The following NUMB variants were observed in gnomAD, a reference collection of about 807,000 sequenced individuals.
The protein encoded by NUMB is protein numb homolog.
NUMB carries 29 observed loss-of-function variants against 59.7 expected under a neutral mutation model. The observed-to-expected ratio is 0.49, with a 90% CI of 0.36 to 0.66. The LOEUF is 0.66. Ranked by LOEUF, NUMB falls within the 30% of genes least tolerant of loss-of-function variation. NUMB has a pLI of 0.00. For synonymous variants in NUMB, 288 were observed against 288.2 expected (o/e 1.00, Z 0.01); for missense variants, 723 against 822.0 (o/e 0.88, Z 1.47).
At chr14:73,327,811 T>G (rs11850734) in intron 4 of NUMB, among the ~76,000 whole-genome samples, 9,812 of 151,984 alleles carry the variant, frequency 0.065, 786 homozygotes, top group African/African-American at 0.18. Context: ...ATTTGACAAA[T>G]GTATACAGCT....
At chr14:73,284,846 A>ATTTC (rs1888877101) in intron 9 of NUMB, 1 of 152,024 alleles carries the variant, frequency 6.6e-6, no homozygotes. Context: ...TTATTTATTT[A>ATTTC]TTTATTTATT....
At chr14:73,438,964 C>T (rs371812756) in intron 1 of NUMB, among the ~76,000 whole-genome samples, 7 of 152,250 alleles carry the variant, frequency 4.6e-5, no homozygotes, top group African/African-American at 1.7e-4. Flanking sequence ...AGCATTATTT[C>T]AGATATGAAT....
intron 12 of NUMB, among the ~76,000 whole-genome samples, chr14:73,278,045 CAAAAAAAAAA>C (rs57146032): frequency 1.4e-5 from 1 of 69,236 alleles, no homozygotes; most frequent in Non-Finnish European, 2.6e-5. Context: ...GACTCCGTCT[CAAAAAAAAAA>C]AAAAAAAAAA....
intron 1 of NUMB, among the ~76,000 whole-genome samples, chr14:73,430,014 A>G (rs1214769662): frequency 6.6e-6 from 1 of 152,086 alleles, no homozygotes; most frequent in African/African-American, 2.4e-5. Context: ...CTGCATTTAC[A>G]TACAGGTTTT....
chr14:73,333,608 T>C (rs570397379), intron 4 of NUMB, among the ~76,000 whole-genome samples: 2 of 152,252 alleles, frequency 1.3e-5, no homozygotes, highest in East Asian at 3.9e-4. Context: ...ATATAAAGGT[T>C]CTTTATATAT....
intron 6 of NUMB, among the ~76,000 whole-genome samples, chr14:73,314,292 AT>A (rs562409736): frequency 1.4e-4 from 22 of 152,166 alleles, no homozygotes; most frequent in Non-Finnish European, 2.9e-4. Flanking sequence ...TTTACCACTT[AT>A]TATAAATATC....
chr14:73,437,044 T>C (rs1157378901), intron 1 of NUMB, among the ~76,000 whole-genome samples: 13 of 110,526 alleles, frequency 1.2e-4, no homozygotes, highest in Admixed American at 2.4e-4. Flanking sequence ...TCTCTCTCTT[T>C]TTTTTTTTTT....
At chr14:73,402,909 A>C (rs1896487349) in intron 2 of NUMB, among the ~76,000 whole-genome samples, 1 of 152,260 alleles carries the variant, frequency 6.6e-6, no homozygotes, top group South Asian at 2.1e-4. Flanking sequence ...TATGTGCTGA[A>C]CATCACATTG....
At chr14:73,319,634 GT>G (rs1891290699) in intron 5 of NUMB, among the ~76,000 whole-genome samples, 2 of 152,136 alleles carry the variant, frequency 1.3e-5, no homozygotes, top group African/African-American at 4.8e-5. Context: ...GGCAAAGTAG[GT>G]TGTAGATCCC....
At chr14:73,278,161 T>G (rs1347628842) in intron 12 of NUMB, among the ~76,000 whole-genome samples, 1 of 152,122 alleles carries the variant, frequency 6.6e-6, no homozygotes, top group African/African-American at 2.4e-5. Context: ...TGGCCATATC[T>G]TGCTGGCCTC....
intron 1 of NUMB, among the ~76,000 whole-genome samples, chr14:73,416,215 G>T (rs1242983038): frequency 6.6e-6 from 1 of 151,992 alleles, no homozygotes; most frequent in Admixed American, 6.6e-5. Flanking sequence ...CAACATACAA[G>T]CTTTATTGAG....
intron 1 of NUMB, among the ~76,000 whole-genome samples, chr14:73,433,737 T>C (rs952323742): frequency 6.6e-6 from 1 of 152,162 alleles, no homozygotes; most frequent in Non-Finnish European, 1.5e-5. Context: ...CCCTGAAATA[T>C]ATGACAGGAG....
At chr14:73,291,973 C>T (rs1271974258) in intron 8 of NUMB, among the ~76,000 whole-genome samples, 2 of 152,302 alleles carry the variant, frequency 1.3e-5, no homozygotes, top group Admixed American at 1.3e-4. Flanking sequence ...TGTGAACCAC[C>T]GTGCCTGGCC....
chr14:73,333,395 T>C (rs2139954856), intron 4 of NUMB, among the ~76,000 whole-genome samples: 1 of 150,496 alleles, frequency 6.6e-6, no homozygotes, highest in Admixed American at 6.6e-5. Flanking sequence ...GTAAATTTCT[T>C]TTTTTTTATT....
chr14:73,447,452 C>A lies in NUMB; in HGVS notation c.-233+11041G>T, dbSNP rs531910967. Among the ~76,000 whole-genome samples, 8 of 152,038 alleles carry A rather than the reference C, an allele frequency of 5.3e-5. No individual in the cohort carries two copies. In the South Asian group the frequency reaches 1.7e-3, roughly 32 times the overall value. On this transcript the variant is annotated intron_variant, in intron 1 of 12. Transcript: ENST00000555238. The stretch of plus-strand genomic sequence containing the variant: ...GCCATGAGCCGAGATCACGCCATTG[C>A]GCTCCAGCCCAGGCGACAGTGCAAG...
At position 73,445,354 on chromosome 14, in the gene NUMB, C is replaced by CAAAAAAAAAAAAA. The variant is rs752154048; in HGVS notation, c.-233+13126_-233+13138dup. 5.7e-4 allele frequency among the ~76,000 whole-genome samples: 33 copies of CAAAAAAAAAAAAA among 57,574 alleles called. 3 individuals are homozygous for CAAAAAAAAAAAAA. The highest frequency in any genetic ancestry group is 1.2e-3 in the East Asian group (1 of 830). 37.8% of individuals were successfully genotyped at this position (57,574 alleles called of 152,430 possible). A position where few individuals can be genotyped will look rare whatever the true frequency, so the allele number is the denominator to read the frequency against. On this transcript the variant is annotated intron_variant, in intron 1 of 12. Transcript: ENST00000555238. Reference sequence around the variant, plus strand: ...TGAGTGACAAAGTGAGACCCTGTCTCAAAAAAAAAAAAAAAAAAAAAAAAA... The same window carrying CAAAAAAAAAAAAA: ...TGAGTGACAAAGTGAGACCCTGTCTCAAAAAAAAAAAAAAAAAAAAAAAAAAAAAAAAAAAAAA...
At position 73,279,400 on chromosome 14, in the gene NUMB, T is replaced by G. The variant is rs1167024063; in HGVS notation, c.1121A>C (p.His374Pro). 3 of 1,596,502 alleles carry G rather than the reference T, an allele frequency of 1.9e-6. No individual in the cohort carries two copies. The highest frequency in any genetic ancestry group is 1.7e-4 in the Middle Eastern group (1 of 5,972). ...AGTATGGGCTGGCTTAGCAAGCACA[T>G]GGAAGGCTGAGTCAGTGCCATTAGC... ...FQANGTDSAF[H>P]VLAKPAHTAL... The change falls in exon 12 of 13, where the codon CAT becomes CCT. Residue 374 changes from histidine (H) to proline (P), a missense_variant. By Grantham distance (77) the His-to-Pro change is moderately conservative. Transcript: ENST00000555238.
intron 1 of NUMB, among the ~76,000 whole-genome samples, chr14:73,424,350 T>C (rs528494102): frequency 9.1e-4 from 138 of 152,296 alleles, no homozygotes; most frequent in Non-Finnish European, 1.5e-3. Context: ...CCAAATCCCA[T>C]CATTGATTCT....
intron 2 of NUMB, among the ~76,000 whole-genome samples, chr14:73,380,460 AT>A (rs1895176681): frequency 6.6e-6 from 1 of 152,150 alleles, no homozygotes; most frequent in African/African-American, 2.4e-5. Context: ...GTCACACTAA[AT>A]TTTTTTAATG....
Sources: gnomAD v4.1 joint callset for allele counts (sites outside exome capture counted in the v4.1 genomes callset) on GRCh38, gnomAD v4.1.1 for gene constraint, MANE v1.5 for transcripts, NCBI Gene and HGNC (gene_info 2026-07-23, HGNC 2026-07-21) for gene names.